CPT1A: variants seen among roughly 807,000 people sequenced by gnomAD.
CPT1A encodes carnitine palmitoyltransferase 1A.
CPT1A carries 64 observed loss-of-function variants against 100.8 expected under a neutral mutation model. That is an observed-to-expected ratio of 0.63 (90% CI 0.52 to 0.78). The LOEUF (loss-of-function observed/expected upper bound fraction) is 0.78, where lower values mean the gene tolerates loss of function less well. Among genes scored for constraint, CPT1A ranks in the 30% least tolerant of loss-of-function variants. CPT1A has a pLI of 0.00. For missense variants in CPT1A, 802 were observed against 1,034.1 expected (o/e 0.78, Z 3.08); for synonymous variants, 363 against 396.0 (o/e 0.92, Z 0.99).
intron 1 of CPT1A, among the ~76,000 whole-genome samples, chr11:68,821,462 G>A (rs1432087840): frequency 4.0e-5 from 6 of 151,486 alleles, no homozygotes; most frequent in Non-Finnish European, 8.8e-5. Flanking sequence ...CTACATTTTT[G>A]TATTTTGAGT....
Position 68,812,501 on chromosome 11 carries a change from T to G in CPT1A, c.217A>C (p.Met73Leu), listed in dbSNP as rs1423202994. Residue 73 changes from methionine to leucine, a missense_variant, in exon 3 of 19, where the codon ATG becomes CTG. By Grantham distance (15) the Met-to-Leu change is conservative. This residue lies in a region of CPT1A where 161 missense variants were observed against 183.7 expected (regional missense o/e 0.88). Transcript: ENST00000265641. ...LIVVVGVMTT[M>L]YAKIDPSLGI... is the part of the protein sequence containing the mutation. ...AACGAGGGGTCGATCTTGGCGTACA[T>G]CGTTGTCATCACGCCCACCACCACG... is the stretch of plus-strand genomic sequence containing the variant. The G allele has an allele frequency of 3.7e-6, 6 of 1,614,036 alleles. No homozygotes were observed. In the Admixed American group the frequency reaches 1.0e-4, roughly 27 times the overall value.
Position 68,785,218 on chromosome 11 carries a change from G to A in CPT1A, c.968-208C>T, listed in dbSNP as rs1855425312. ...TGGATCGGAGAGGCCTGACTTCTGA[G>A]CTCAGCTTAGTCACTCATTAGATTA... On this transcript the variant is annotated intron_variant, in intron 9 of 18. Transcript: ENST00000265641. Among the ~76,000 whole-genome samples the A allele has an allele frequency of 2.0e-5, 3 of 152,266 alleles. No individual in the cohort carries two copies. The South Asian group carries it at 6.2e-4, about 32-fold the overall frequency.
intron 1 of CPT1A, chr11:68,839,582 C>T (rs1481212100): frequency 1.0e-6 from 1 of 985,364 alleles, no homozygotes; most frequent in African/African-American, 1.7e-5. Flanking sequence ...CCCTGCGGTG[C>T]CCAGCTGTGG....
chr11:68,835,912 G>A (rs1323645194), intron 1 of CPT1A, among the ~76,000 whole-genome samples: 2 of 152,178 alleles, frequency 1.3e-5, no homozygotes, highest in Non-Finnish European at 2.9e-5. Context: ...GCAGGAGGAC[G>A]TGGCAGCCAG....
In CPT1A at chr11:68,841,792, T is replaced by TGCGGCAGCGGCA. The variant is rs528519032; in HGVS notation, c.-43_-32dup. On this transcript the variant is annotated 5_prime_UTR_variant, in exon 1 of 19. Coordinates refer to ENST00000265641, the MANE Select transcript of CPT1A (RefSeq NM_001876.4). This position sits in a 1 kb window ranked among gnomAD's most constrained non-coding sequence, Gnocchi z 6.3. ...GGCCTCACCGAGTCAGCTACGGAGG[T>TGCGGCAGCGGCA]GCGGCAGCGGCAGCGGCAGCGGCGG... 1,530 of 996,582 alleles carry TGCGGCAGCGGCA rather than the reference T, an allele frequency of 1.5e-3. 15 individuals are homozygous for TGCGGCAGCGGCA. The African/African-American group carries it at 0.019, about 13-fold the overall frequency. The allele number at this position is 996,582 out of a possible 1,614,324, so 61.7% of individuals were successfully genotyped here.
chr11:68,835,689 C>A (rs613084), intron 1 of CPT1A, among the ~76,000 whole-genome samples: 40,383 of 152,082 alleles, frequency 0.27, 6,421 homozygotes, highest in South Asian at 0.44. Context: ...GGATTCAGTG[C>A]CACACCCAGT....
rs143227787 is a variant in CPT1A at position 68,772,892 on chromosome 11, G to A, written c.1740+373C>T. 4.0e-3 allele frequency among the ~76,000 whole-genome samples: 611 copies of A among 152,152 alleles called. 9 individuals are homozygous for A. The highest frequency in any genetic ancestry group is 0.014 in the African/African-American group (580 of 41,526). On this transcript the variant is annotated intron_variant, in intron 14 of 18. Transcript: ENST00000265641. Reference sequence around the variant, plus strand: ...AGTGCAGATTTACCGAGCGCCAGACGAATACGTAACTGACTATTCCCCTAC... The same window carrying A: ...AGTGCAGATTTACCGAGCGCCAGACAAATACGTAACTGACTATTCCCCTAC...
At chr11:68,761,891 G>A (rs1280863634) in intron 15 of CPT1A, among the ~76,000 whole-genome samples, 1 of 152,052 alleles carries the variant, frequency 6.6e-6, no homozygotes, top group Non-Finnish European at 1.5e-5. Flanking sequence ...GATTACAGGC[G>A]TGAGTCACCG....
At chr11:68,821,093 C>G (rs891415607) in intron 1 of CPT1A, among the ~76,000 whole-genome samples, 5 of 152,218 alleles carry the variant, frequency 3.3e-5, no homozygotes, top group Non-Finnish European at 7.3e-5. Context: ...GCCTTAACCT[C>G]TAGAGTAGCT....
chr11:68,833,244 C>T lies in CPT1A; in HGVS notation c.-14+8531G>A, dbSNP rs549251973. Among the ~76,000 whole-genome samples the T allele has an allele frequency of 1.2e-4, 19 of 152,306 alleles. No homozygotes were observed. The South Asian group carries it at 3.3e-3, about 27-fold the overall frequency. On this transcript the variant is annotated intron_variant, in intron 1 of 18. Coordinates refer to ENST00000265641, the MANE Select transcript of CPT1A (RefSeq NM_001876.4). ...CAGGGGGTTCCCTAGAACTAGCACA[C>T]ATGTGCAGTAAAGTTCATGGCTCTT...
intron 1 of CPT1A, among the ~76,000 whole-genome samples, chr11:68,817,744 G>A (rs1383452078): frequency 6.9e-6 from 1 of 145,290 alleles, no homozygotes; most frequent in Non-Finnish European, 1.5e-5. Flanking sequence ...GTCAAGGACA[G>A]GCTGTTGGGG....
intron 2 of CPT1A, among the ~76,000 whole-genome samples, chr11:68,813,017 C>T (rs1856260792): frequency 6.6e-6 from 1 of 150,980 alleles, no homozygotes. Context: ...CATGGGAGAC[C>T]TCACCCCATG....
upstream of CPT1A, chr11:68,842,031 T>G: frequency 7.5e-6 from 7 of 933,260 alleles, no homozygotes; most frequent in Non-Finnish European, 8.9e-6. Context: ...GGAGGGAAAC[T>G]GAGGCTCGAG....
At position 68,804,150 on chromosome 11, in the gene CPT1A, G is replaced by A. The variant is rs763075121; in HGVS notation, c.454-49C>T. The A allele has an allele frequency of 3.5e-6, 5 of 1,433,796 alleles. No individual in the cohort carries two copies. The South Asian group carries it at 5.7e-5, about 16-fold the overall frequency. The allele number at this position is 1,433,796 out of a possible 1,614,324, so 88.8% of individuals were successfully genotyped here. On this transcript the variant is annotated intron_variant, in intron 4 of 18. Transcript: ENST00000265641. ...CAGACTACTGCCATACTACTCTGAA[G>A]GCACCTGTTCTCGTCTGATCTCGTG...
rs1212851154 is a variant in CPT1A, at chr11:68,793,351, T to C, written c.931A>G (p.Met311Val). Residue 311 changes from methionine (M) to valine (V), a missense_variant, in exon 9 of 19, where the codon ATG becomes GTG. Transcript: ENST00000265641. Reference protein sequence around the residue: ...IPLCSAQWERMFNTSRIPGEE... With the variant: ...IPLCSAQWERVFNTSRIPGEE... Reference sequence around the variant, plus strand: ...CCTGGGATCCGGGAAGTATTAAACATCCGCTCCCACTGAGCGGAGCAGAGT... The same window carrying C: ...CCTGGGATCCGGGAAGTATTAAACACCCGCTCCCACTGAGCGGAGCAGAGT... The C allele has an allele frequency of 6.2e-7, 1 of 1,612,128 alleles. No homozygotes were observed. The highest frequency in any genetic ancestry group is 1.7e-5 in the Admixed American group (1 of 59,850).
intron 3 of CPT1A, 136 bp from the exon 4 acceptor site, chr11:68,807,774 G>C: frequency 1.2e-6 from 1 of 803,490 alleles, no homozygotes; most frequent in South Asian, 1.5e-5. Flanking sequence ...AAGTCAGAGG[G>C]AGAGCACTTG....
rs1396606437 is a variant in CPT1A, at chr11:68,796,849, G to A, written c.771+7C>T. The A allele has an allele frequency of 1.9e-6, 3 of 1,613,564 alleles. No individual in the cohort carries two copies. Among genetic ancestry groups the A allele is most frequent in the Non-Finnish European group, 1.7e-6 (2 of 1,179,840 alleles). On this transcript the variant is annotated splice_region_variant and intron_variant, in intron 7 of 18. Coordinates refer to ENST00000265641, the MANE Select transcript of CPT1A (RefSeq NM_001876.4). ...CGTCAGACAGCAGCCCGGGCGGGTGGACTCACCATGGCATAATAGTTGCTG... is the reference window on the plus strand; with the variant it reads ...CGTCAGACAGCAGCCCGGGCGGGTGAACTCACCATGGCATAATAGTTGCTG...
chr11:68,795,407 T>A (rs1320999894), intron 7 of CPT1A, among the ~76,000 whole-genome samples: 3 of 152,204 alleles, frequency 2.0e-5, no homozygotes, highest in Admixed American at 6.5e-5. Flanking sequence ...CATGTCCCCA[T>A]TGATGTAGAA....
At chr11:68,764,313 G>A (rs1268953824) in intron 14 of CPT1A, among the ~76,000 whole-genome samples, 1 of 152,192 alleles carries the variant, frequency 6.6e-6, no homozygotes, top group East Asian at 1.9e-4. Flanking sequence ...TTCCTGACCA[G>A]ACACATCCCT....
Sources: gnomAD v4.1 joint callset for allele counts (sites outside exome capture counted in the v4.1 genomes callset) on GRCh38, gnomAD v4.1.1 for gene constraint, gnomAD v4.1.1 regional missense constraint, Gnocchi (gnomAD v3.1) non-coding constraint, MANE v1.5 for transcripts, NCBI Gene and HGNC (gene_info 2026-07-23, HGNC 2026-07-21) for gene names.